Variants in IQSEC1 observed in about 807,000 individuals in gnomAD.
IQSEC1 encodes IQ motif and SEC7 domain-containing protein 1.
In IQSEC1, 31 loss-of-function variants were observed where a neutral mutation model predicts 91.0. The observed-to-expected ratio is 0.34, with a 90% CI of 0.26 to 0.46. The LOEUF (loss-of-function observed/expected upper bound fraction) is 0.46. Ranked by LOEUF, IQSEC1 falls within the 20% of genes least tolerant of loss-of-function variation. IQSEC1 has a pLI of 1.00. For synonymous variants in IQSEC1, 699 were observed against 662.6 expected, an observed-to-expected ratio of 1.05 and a Z score of -0.84; for missense variants, 1,388 against 1,575.6, an observed-to-expected ratio of 0.88 and a Z score of 2.02.
intron 2 of IQSEC1, among the ~76,000 whole-genome samples, chr3:13,102,520 A>G (rs561201499): frequency 4.0e-5 from 6 of 151,104 alleles, no homozygotes; most frequent in Non-Finnish European, 8.9e-5. Context: ...TAGGCGTGAA[A>G]ACCTGTGCTT....
In IQSEC1 at chr3:13,176,644, C is replaced by T. The variant is rs370067969; in HGVS notation, c.273-12511G>A. Among the ~76,000 whole-genome samples the T allele has an allele frequency of 2.5e-4, 38 of 152,300 alleles. 1 individual carries two copies. The highest frequency in any genetic ancestry group is 1.0e-3 in the South Asian group (5 of 4,818). ...TGACCCCAGGCTTTGAGAGACCAGC[C>T]GGCATCTTGAAGCACCCAGATGCAT... On this transcript the variant is annotated intron_variant, in intron 1 of 15. Coordinates refer to the IQSEC1 transcript ENST00000648114.
chr3:13,247,735 G>A (rs886329961), intron 1 of IQSEC1, among the ~76,000 whole-genome samples: 4 of 152,172 alleles, frequency 2.6e-5, no homozygotes, highest in Non-Finnish European at 4.4e-5. Context: ...ATCTGGATCT[G>A]GATCTGGAGG....
intron 1 of IQSEC1, among the ~76,000 whole-genome samples, chr3:13,238,869 T>C (rs368468253): frequency 1.3e-3 from 195 of 152,274 alleles, no homozygotes; most frequent in African/African-American, 4.5e-3. Flanking sequence ...AGGACAGGCC[T>C]CCCTCTGAGT....
intron 1 of IQSEC1, among the ~76,000 whole-genome samples, chr3:13,268,875 C>A (rs566561464): frequency 6.6e-6 from 1 of 152,332 alleles, no homozygotes; most frequent in African/African-American, 2.4e-5. Context: ...TGCAAGCCCC[C>A]AGGCCCCCAG....
intron 12 of IQSEC1, among the ~76,000 whole-genome samples, chr3:12,907,384 G>A (rs1035043612): frequency 6.6e-6 from 1 of 152,178 alleles, no homozygotes; most frequent in African/African-American, 2.4e-5. Flanking sequence ...GGAATGGGGG[G>A]GTCTTCCCAA....
In IQSEC1 at chr3:13,058,118, C is replaced by A. The variant is rs571805108; in HGVS notation, c.23+14874G>T. ...TGAAACCCTGTCTCAACTAAAAATA[C>A]AAAAAACAGCCGGGCGTGGTGGCAG... On this transcript the variant is annotated intron_variant, in intron 1 of 13. Coordinates refer to ENST00000613206, the MANE Select transcript of IQSEC1 (RefSeq NM_001134382.3). Among the ~76,000 whole-genome samples the A allele has an allele frequency of 3.6e-4, 55 of 152,202 alleles. 2 individuals carry two copies. In the South Asian group the frequency reaches 7.7e-3, roughly 21 times the overall value.
At chr3:13,281,597 C>T (rs1333617115) in intron 1 of IQSEC1, among the ~76,000 whole-genome samples, 1 of 152,332 alleles carries the variant, frequency 6.6e-6, no homozygotes, top group East Asian at 1.9e-4. Context: ...GTCCCATGGC[C>T]ACAGTCGCTG....
intron 1 of IQSEC1, among the ~76,000 whole-genome samples, chr3:12,948,621 T>G (rs928649392): frequency 6.6e-6 from 1 of 152,212 alleles, no homozygotes; most frequent in Admixed American, 6.5e-5. Context: ...GAATGACTTT[T>G]CTCAAGAAAA....
intron 1 of IQSEC1, among the ~76,000 whole-genome samples, chr3:13,046,310 C>T (rs753485356): frequency 1.3e-5 from 2 of 152,212 alleles, no homozygotes; most frequent in East Asian, 1.9e-4. Flanking sequence ...ACTGCGTGAG[C>T]GTGTCGCTCA....
intron 1 of IQSEC1, among the ~76,000 whole-genome samples, chr3:13,053,456 G>A (rs767640249): frequency 2.9e-4 from 44 of 152,344 alleles, no homozygotes; most frequent in Non-Finnish European, 4.6e-4. Flanking sequence ...TCAGGGCGGG[G>A]TCTAGGTGGC....
At chr3:13,162,014 C>A (rs535954957) in intron 2 of IQSEC1, among the ~76,000 whole-genome samples, 11 of 152,336 alleles carry the variant, frequency 7.2e-5, no homozygotes, top group African/African-American at 2.6e-4. Flanking sequence ...CTGGGTTCCA[C>A]AGCGCCTGCC....
At chr3:13,121,745 A>G (rs1051936776) in intron 2 of IQSEC1, among the ~76,000 whole-genome samples, 10 of 152,232 alleles carry the variant, frequency 6.6e-5, no homozygotes, top group African/African-American at 2.4e-4. Context: ...TTCCAGGACC[A>G]CAGCAAGGAG....
intron 1 of IQSEC1, among the ~76,000 whole-genome samples, chr3:13,048,875 C>T (rs1158180539): frequency 1.3e-5 from 2 of 152,228 alleles, no homozygotes; most frequent in Non-Finnish European, 2.9e-5. Flanking sequence ...CCCCAGGTGG[C>T]ACCCCTCTCC....
chr3:13,020,469 T>C (rs577357683), intron 1 of IQSEC1, among the ~76,000 whole-genome samples: 4 of 152,336 alleles, frequency 2.6e-5, no homozygotes, highest in Admixed American at 2.6e-4. Context: ...GAGACAACTA[T>C]GGCCACTGTA....
upstream of IQSEC1, among the ~76,000 whole-genome samples, chr3:13,074,228 C>T (rs1298667122): frequency 2.6e-5 from 4 of 152,168 alleles, no homozygotes; most frequent in East Asian, 1.9e-4. Flanking sequence ...GGAAGGCCCT[C>T]TGTGAGGCAC....
chr3:12,992,374 G>GCTAA lies in IQSEC1; in HGVS notation c.24-50510_24-50509insTTAG. 6.6e-6 allele frequency among the ~76,000 whole-genome samples: 1 copy of GCTAA among 151,956 alleles called. No individual in the cohort carries two copies. Among genetic ancestry groups the GCTAA allele is most frequent in the Non-Finnish European group, 1.5e-5 (1 of 67,986 alleles). ...GGGTGGGAGGAGATGGCACCGCTAAGGCAATTTCTCTTCTTTCCCCTTAAA... is the reference window on the plus strand; with the variant it reads ...GGGTGGGAGGAGATGGCACCGCTAAGCTAAGCAATTTCTCTTCTTTCCCCTTAAA... On this transcript the variant is annotated intron_variant, in intron 1 of 13. Coordinates refer to ENST00000613206, the MANE Select transcript of IQSEC1 (RefSeq NM_001134382.3). This position sits in a 1 kb window ranked among gnomAD's most constrained non-coding sequence, Gnocchi z 4.1.
At position 12,900,682 on chromosome 3, in the gene IQSEC1, G is replaced by A; in HGVS notation, c.*301C>T. 3 of 1,328,642 alleles carry A rather than the reference G, an allele frequency of 2.3e-6. No individual in the cohort carries two copies. Among genetic ancestry groups the A allele is most frequent in the Non-Finnish European group, 2.9e-6 (3 of 1,037,476 alleles). The allele number at this position is 1,328,642 out of a possible 1,614,324, so 82.3% of individuals were successfully genotyped here. A position where few individuals can be genotyped will look rare whatever the true frequency, so the allele number is the denominator to read the frequency against. On this transcript the variant is annotated 3_prime_UTR_variant, in exon 14 of 14. Coordinates refer to ENST00000613206, the MANE Select transcript of IQSEC1 (RefSeq NM_001134382.3). Reference sequence around the variant, plus strand: ...CACAGGGAGCTGAGAGCTGGAGTGGGGGAGGCAGTTCAACACTACTTGGCT... The same window carrying A: ...CACAGGGAGCTGAGAGCTGGAGTGGAGGAGGCAGTTCAACACTACTTGGCT...
chr3:13,138,889 A>C (rs1706754988), intron 2 of IQSEC1, among the ~76,000 whole-genome samples: 1 of 151,876 alleles, frequency 6.6e-6, no homozygotes, highest in African/African-American at 2.4e-5. Context: ...CCTTTCTGGT[A>C]GGAAGCAACT....
chr3:13,121,110 C>A (rs1456858984), intron 2 of IQSEC1, among the ~76,000 whole-genome samples: 1 of 152,198 alleles, frequency 6.6e-6, no homozygotes, highest in Non-Finnish European at 1.5e-5. Flanking sequence ...CTATCACAGT[C>A]GCTGCCCTAT....
Sources: gnomAD v4.1 joint callset for allele counts (sites outside exome capture counted in the v4.1 genomes callset) on GRCh38, gnomAD v4.1.1 for gene constraint, Gnocchi (gnomAD v3.1) non-coding constraint, MANE v1.5 for transcripts, NCBI Gene and HGNC (gene_info 2026-07-23, HGNC 2026-07-21) for gene names.